Variants in ZNRF1 observed in about 807,000 individuals in gnomAD.
The protein encoded by ZNRF1 is E3 ubiquitin-protein ligase ZNRF1.
In ZNRF1, 3 loss-of-function variants were observed where a neutral mutation model predicts 18.4. The ratio of observed to expected loss-of-function variants is 0.16; its 90% confidence interval spans 0.07 to 0.42. The LOEUF is 0.42. ZNRF1 is among the 10% of genes least tolerant of loss of function. The probability of loss-of-function intolerance (pLI) is 0.99; values close to 1 mark genes in which losing one functional copy is unlikely to be tolerated. For synonymous variants in ZNRF1, 157 were observed against 144.2 expected, an observed-to-expected ratio of 1.09 and a Z score of -0.64; for missense variants, 310 against 329.8, an observed-to-expected ratio of 0.94 and a Z score of 0.47.
chr16:75,059,229 C>CTTTTTTTTTTTTTTTTTTTTTTTTTT (rs35291578), intron 1 of ZNRF1, among the ~76,000 whole-genome samples: 3 of 92,876 alleles, frequency 3.2e-5, no homozygotes, highest in Non-Finnish European at 4.1e-5. Flanking sequence ...TTCTTTCTTT[C>CTTTTTTTTTTTTTTTTTTTTTTTTTT]TTTTTTTTTT....
chr16:75,107,280 G>A (rs2036328836), intron 4 of ZNRF1: 2 of 181,190 alleles, frequency 1.1e-5, no homozygotes, highest in Admixed American at 5.5e-5. Context: ...TTCTGGGCTG[G>A]CATTTTCCTT....
intron 1 of ZNRF1, among the ~76,000 whole-genome samples, chr16:75,037,335 T>C (rs556181966): frequency 6.8e-6 from 1 of 145,986 alleles, no homozygotes; most frequent in African/African-American, 2.8e-5. Context: ...CTTCACTCTT[T>C]TGTTTTTTTG....
chr16:75,010,913 T>C (rs1406144560), intron 1 of ZNRF1, among the ~76,000 whole-genome samples: 1 of 152,082 alleles, frequency 6.6e-6, no homozygotes, highest in African/African-American at 2.4e-5. Context: ...TTTCGCCAAT[T>C]GGCCAGGCTG....
chr16:75,001,890 T>A (rs2034854574), intron 1 of ZNRF1, among the ~76,000 whole-genome samples: 1 of 152,170 alleles, frequency 6.6e-6, no homozygotes, highest in African/African-American at 2.4e-5. Flanking sequence ...TTTTTTTTCA[T>A]CCGATCATGG....
chr16:75,091,161 C>A (rs2036133973), intron 1 of ZNRF1, among the ~76,000 whole-genome samples: 1 of 152,092 alleles, frequency 6.6e-6, no homozygotes, highest in Non-Finnish European at 1.5e-5. Flanking sequence ...GCATTTGAGA[C>A]CAGTCTAGCC....
Position 75,095,863 on chromosome 16 carries a change from C to T in ZNRF1, c.520+2196C>T. On this transcript the variant is annotated intron_variant, in intron 2 of 4. Coordinates refer to ENST00000335325, the MANE Select transcript of ZNRF1 (RefSeq NM_032268.5). ...CTGGCGCTGTTGGTTTACCCCCCTA[C>T]ACCCCACCACCGGCAGCCTCACCCA... 3.1e-6 allele frequency: 3 copies of T among 973,370 alleles called. No individual in the cohort carries two copies. The South Asian group carries it at 9.1e-5, about 30-fold the overall frequency. The allele number at this position is 973,370 out of a possible 1,614,324, so 60.3% of individuals were successfully genotyped here.
intron 1 of ZNRF1, among the ~76,000 whole-genome samples, chr16:75,012,840 C>G (rs539754049): frequency 6.6e-6 from 1 of 152,154 alleles, no homozygotes; most frequent in Non-Finnish European, 1.5e-5. Flanking sequence ...GAGTCATGGC[C>G]TGTCTTCTGT....
intron 1 of ZNRF1, among the ~76,000 whole-genome samples, chr16:75,029,078 C>CCT (rs150532922): frequency 6.9e-6 from 1 of 144,132 alleles, no homozygotes; most frequent in Non-Finnish European, 1.5e-5. Flanking sequence ...CAATCTTGAC[C>CCT]TTTTTTTTTT....
At position 74,999,797 on chromosome 16, in the gene ZNRF1, G is replaced by A; in HGVS notation, c.126G>A (p.Gly42=). The stretch of plus-strand genomic sequence containing the variant: ...TCGGGCACTACCGGACGGGCGGCGG[G>A]GCCATGGGGCTGCGCAGCCGCTCGG... ...PHFGHYRTGG[G]AMGLRSRSVS... The change falls in exon 1 of 5, where the codon GGG becomes GGA. Residue 42 remains glycine, a synonymous_variant. Coordinates refer to ENST00000335325, the MANE Select transcript of ZNRF1 (RefSeq NM_032268.5). The A allele has an allele frequency of 1.4e-6, 2 of 1,426,072 alleles. No individual in the cohort carries two copies. Among genetic ancestry groups the A allele is most frequent in the South Asian group, 3.0e-5 (2 of 67,608 alleles). 88.3% of individuals were successfully genotyped at this position (1,426,072 alleles called of 1,614,324 possible).
chr16:75,055,932 C>T (rs1156925180), intron 1 of ZNRF1, among the ~76,000 whole-genome samples: 2 of 152,132 alleles, frequency 1.3e-5, no homozygotes, highest in East Asian at 1.9e-4. Context: ...AGTATTTCCT[C>T]GATAAAGACA....
chr16:75,053,306 T>C (rs2035628656), intron 1 of ZNRF1, among the ~76,000 whole-genome samples: 1 of 152,114 alleles, frequency 6.6e-6, no homozygotes, highest in Admixed American at 6.6e-5. Flanking sequence ...AAATCGCCAA[T>C]GGCTGGGTGC....
chr16:75,075,034 T>C (rs1597897016), intron 1 of ZNRF1, among the ~76,000 whole-genome samples: 1 of 135,140 alleles, frequency 7.4e-6, no homozygotes, highest in Admixed American at 8.0e-5. Context: ...CTGCCTGGGG[T>C]CATAAGCCCA....
intron 1 of ZNRF1, among the ~76,000 whole-genome samples, chr16:75,041,587 C>G (rs1309320245): frequency 6.6e-6 from 1 of 152,054 alleles, no homozygotes; most frequent in Non-Finnish European, 1.5e-5. Flanking sequence ...GCCTCAGCCT[C>G]TCAAAGGTCT....
At chr16:75,107,540 CA>C (rs890932965) in intron 4 of ZNRF1, 192 bp from the exon 5 acceptor site, 1 of 349,328 alleles carries the variant, frequency 2.9e-6, no homozygotes, top group Non-Finnish European at 5.7e-6. Context: ...AAGAAAGAGC[CA>C]GGGGGGAGAG....
At chr16:75,090,250 T>G (rs2036120504) in intron 1 of ZNRF1, among the ~76,000 whole-genome samples, 1 of 152,234 alleles carries the variant, frequency 6.6e-6, no homozygotes, top group Non-Finnish European at 1.5e-5. Context: ...GCTGTGACCC[T>G]GGATCTGCAC....
chr16:75,045,042 C>G (rs887323504), intron 1 of ZNRF1, among the ~76,000 whole-genome samples: 1 of 152,130 alleles, frequency 6.6e-6, no homozygotes, highest in African/African-American at 2.4e-5. Flanking sequence ...ATGTGGGAAA[C>G]AAACTTCGTC....
At chr16:75,071,319 C>G (rs750959965) in intron 1 of ZNRF1, among the ~76,000 whole-genome samples, 1 of 152,116 alleles carries the variant, frequency 6.6e-6, no homozygotes, top group African/African-American at 2.4e-5. Flanking sequence ...TGGCTGGTCT[C>G]GAACTCCTGA....
intron 1 of ZNRF1, among the ~76,000 whole-genome samples, chr16:75,022,820 AT>A (rs1222649382): frequency 6.6e-6 from 1 of 152,174 alleles, no homozygotes; most frequent in Non-Finnish European, 1.5e-5. Context: ...TAAATGTGTA[AT>A]TTCAGAAAAT....
At chr16:75,070,076 A>G (rs2035851750) in intron 1 of ZNRF1, among the ~76,000 whole-genome samples, 1 of 152,226 alleles carries the variant, frequency 6.6e-6, no homozygotes, top group Non-Finnish European at 1.5e-5. Flanking sequence ...TGCCAGAGCC[A>G]GGCAGAAAAT....
Sources: gnomAD v4.1 joint callset for allele counts (sites outside exome capture counted in the v4.1 genomes callset) on GRCh38, gnomAD v4.1.1 for gene constraint, MANE v1.5 for transcripts, NCBI Gene and HGNC (gene_info 2026-07-23, HGNC 2026-07-21) for gene names.